EDF1: variants seen among roughly 807,000 people sequenced by gnomAD.
EDF1 encodes endothelial differentiation-related factor 1.
In EDF1, 5 loss-of-function variants were observed where a neutral mutation model predicts 20.8. The ratio of observed to expected loss-of-function variants is 0.24; its 90% confidence interval spans 0.13 to 0.51. The LOEUF (loss-of-function observed/expected upper bound fraction) is 0.51, where lower values mean the gene tolerates loss of function less well. EDF1 is among the 20% of genes least tolerant of loss of function. The pLI is 0.97. For synonymous variants in EDF1, 96 were observed against 78.5 expected, an observed-to-expected ratio of 1.22 and a Z score of -1.18; for missense variants, 137 against 197.8, an observed-to-expected ratio of 0.69 and a Z score of 1.84.
chr9:136,862,758 C>A lies in EDF1; in HGVS notation c.385+148G>T. The stretch of plus-strand genomic sequence containing the variant: ...AGACCCCACCATCCCTCAGTCTGTA[C>A]TACCTGGAGAAGCAAAGCTCCAGAA... On this transcript the variant is annotated intron_variant, in intron 4 of 4. Coordinates refer to ENST00000224073, the MANE Select transcript of EDF1 (RefSeq NM_003792.4). The surrounding 1 kb of genome is among the most constrained non-coding windows in gnomAD (Gnocchi z 4.1). 6.3e-7 allele frequency: 1 copy of A among 1,588,222 alleles called. No individual in the cohort carries two copies. Among genetic ancestry groups the A allele is most frequent in the Non-Finnish European group, 8.5e-7 (1 of 1,170,694 alleles).
In EDF1 at chr9:136,863,271, C is replaced by G; in HGVS notation, c.291+17G>C. ...AAACCCACAACCCCAGGAGTGAGAG[C>G]CCCGGCGCAGCCTCACCGTGGCCAG... On this transcript the variant is annotated intron_variant, in intron 3 of 4. Coordinates refer to ENST00000224073, the MANE Select transcript of EDF1 (RefSeq NM_003792.4). This position sits in a 1 kb window ranked among gnomAD's most constrained non-coding sequence, Gnocchi z 4.5. The G allele has an allele frequency of 6.2e-7, 1 of 1,606,760 alleles. No homozygotes were observed.
rs768777287 is a variant in EDF1 at position 136,862,311 on chromosome 9, G to C, written c.420C>G (p.Pro140=). Reference sequence around the variant, plus strand: ...ATTTCGCCCTAGGCCCCTTCTCGATGGGCTTTCCAATGTCCTTTCCCCGGA... The same window carrying C: ...ATTTCGCCCTAGGCCCCTTCTCGATCGGCTTTCCAATGTCCTTTCCCCGGA... ...LKLRGKDIGK[P]IEKGPRAK The change falls in exon 5 of 5, where the codon CCC becomes CCG. Residue 140 remains proline, a synonymous_variant. Transcript: ENST00000224073. This position sits in a 1 kb window ranked among gnomAD's most constrained non-coding sequence, Gnocchi z 4.1. 50 of 1,613,870 alleles carry C rather than the reference G, an allele frequency of 3.1e-5. No individual in the cohort carries two copies. Among genetic ancestry groups the C allele is most frequent in the African/African-American group, 6.7e-5 (5 of 74,868 alleles).
chr9:136,865,391 T>G (rs1849195286), intron 1 of EDF1, among the ~76,000 whole-genome samples: 1 of 152,018 alleles, frequency 6.6e-6, no homozygotes, highest in Non-Finnish European at 1.5e-5. Flanking sequence ...GCAGGCTCCC[T>G]GGGCAGTATC....
chr9:136,862,505 G>A lies in EDF1; in HGVS notation c.386-160C>T. 6.2e-7 allele frequency: 1 copy of A among 1,610,862 alleles called. No homozygotes were observed. Reference sequence around the variant, plus strand: ...ACTCCTGGTTCCCACATCTAATTTTGAAGAGGATGAGTCTGATCACCTTAG... The same window carrying A: ...ACTCCTGGTTCCCACATCTAATTTTAAAGAGGATGAGTCTGATCACCTTAG... On this transcript the variant is annotated intron_variant, in intron 4 of 4. Coordinates refer to ENST00000224073, the MANE Select transcript of EDF1 (RefSeq NM_003792.4). This position sits in a 1 kb window ranked among gnomAD's most constrained non-coding sequence, Gnocchi z 4.1.
rs1849164091 is a variant in EDF1, at chr9:136,863,933, A to G, written c.79-62T>C. The G allele has an allele frequency of 6.4e-6, 10 of 1,568,536 alleles. No homozygotes were observed. The highest frequency in any genetic ancestry group is 4.5e-5 in the East Asian group (2 of 44,626). ...CTTTGACAGTATCCAGCACACACCAATTCAGGCCTGCTGTTAGCCAGTTAG... is the reference window on the plus strand; with the variant it reads ...CTTTGACAGTATCCAGCACACACCAGTTCAGGCCTGCTGTTAGCCAGTTAG... On this transcript the variant is annotated intron_variant, in intron 1 of 4. Coordinates refer to ENST00000224073, the MANE Select transcript of EDF1 (RefSeq NM_003792.4). This position sits in a 1 kb window ranked among gnomAD's most constrained non-coding sequence, Gnocchi z 4.5.
rs1849114409 is a variant in EDF1 at position 136,862,281 on chromosome 9, T to G, written c.*3A>C. ...GGAGCGCACTGATTTCGAGGCTTTGTGTTCATTTCGCCCTAGGCCCCTTCT... is the reference window on the plus strand; with the variant it reads ...GGAGCGCACTGATTTCGAGGCTTTGGGTTCATTTCGCCCTAGGCCCCTTCT... On this transcript the variant is annotated 3_prime_UTR_variant, in exon 5 of 5. Coordinates refer to ENST00000224073, the MANE Select transcript of EDF1 (RefSeq NM_003792.4). The surrounding 1 kb of genome is among the most constrained non-coding windows in gnomAD (Gnocchi z 4.1). 6.2e-7 allele frequency: 1 copy of G among 1,613,948 alleles called. No homozygotes were observed. The highest frequency in any genetic ancestry group is 1.3e-5 in the African/African-American group (1 of 74,978).
chr9:136,863,180 C>T lies in EDF1; in HGVS notation c.291+108G>A. On this transcript the variant is annotated intron_variant, in intron 3 of 4. Transcript: ENST00000224073. The surrounding 1 kb of genome is among the most constrained non-coding windows in gnomAD (Gnocchi z 4.5). ...ACCTGGCTTCCCGAGGCATTCCCTG[C>T]AGGGGAACCAGGGGGGTGGAGCCCA... The T allele has an allele frequency of 6.5e-7, 1 of 1,537,898 alleles. No homozygotes were observed. Among genetic ancestry groups the T allele is most frequent in the Non-Finnish European group, 8.8e-7 (1 of 1,139,214 alleles).
chr9:136,863,599 T>A lies in EDF1; in HGVS notation c.131-151A>T. The A allele has an allele frequency of 4.4e-6, 5 of 1,146,106 alleles. No homozygotes were observed. The highest frequency in any genetic ancestry group is 6.1e-6 in the Non-Finnish European group (5 of 822,308). The allele number at this position is 1,146,106 out of a possible 1,614,324, so 71.0% of individuals were successfully genotyped here. On this transcript the variant is annotated intron_variant, in intron 2 of 4. Transcript: ENST00000224073. The surrounding 1 kb of genome is among the most constrained non-coding windows in gnomAD (Gnocchi z 4.5). Reference sequence around the variant, plus strand: ...TCCCAAGTTCACACACCTCAGGTCGTGGACTTCCAGAGTTTTCTCTCAGTT... The same window carrying A: ...TCCCAAGTTCACACACCTCAGGTCGAGGACTTCCAGAGTTTTCTCTCAGTT...
Position 136,866,211 on chromosome 9 carries a change from G to A in EDF1, c.48C>T (p.Gly16=). 6.2e-7 allele frequency: 1 copy of A among 1,601,992 alleles called. No homozygotes were observed. Among genetic ancestry groups the A allele is most frequent in the South Asian group, 1.1e-5 (1 of 89,568 alleles). The change falls in exon 1 of 5, where the codon GGC becomes GGT. Residue 16 remains glycine (G), a synonymous_variant. Transcript: ENST00000224073. Reference sequence around the variant, plus strand: ...TGGATTTGGCCTGGGCGGCCGTAGGGCCCTTCTTGCGCAGCACCGTCACCG... The same window carrying A: ...TGGATTTGGCCTGGGCGGCCGTAGGACCCTTCTTGCGCAGCACCGTCACCG... ...WDTVTVLRKK[G]PTAAQAKSKQ...
Position 136,863,560 on chromosome 9 carries a change from G to A in EDF1, c.131-112C>T. ...AGGCTGCCTGAACTCAAGGGGACAT[G>A]GGAACCCAGGCTGTCCCAAGTTCAC... is the stretch of plus-strand genomic sequence containing the variant. On this transcript the variant is annotated intron_variant, in intron 2 of 4. Transcript: ENST00000224073. This position sits in a 1 kb window ranked among gnomAD's most constrained non-coding sequence, Gnocchi z 4.5. The A allele has an allele frequency of 7.2e-7, 1 of 1,382,600 alleles. No individual in the cohort carries two copies. Among genetic ancestry groups the A allele is most frequent in the East Asian group, 2.5e-5 (1 of 40,430 alleles). The allele number at this position is 1,382,600 out of a possible 1,614,324, so 85.6% of individuals were successfully genotyped here.
In EDF1 at chr9:136,862,481, C is replaced by A. The variant is rs770301600; in HGVS notation, c.386-136G>T. 1 of 1,612,668 alleles carries A rather than the reference C, an allele frequency of 6.2e-7. No individual in the cohort carries two copies. Among genetic ancestry groups the A allele is most frequent in the African/African-American group, 1.3e-5 (1 of 74,928 alleles). On this transcript the variant is annotated intron_variant, in intron 4 of 4. Transcript: ENST00000224073. This position sits in a 1 kb window ranked among gnomAD's most constrained non-coding sequence, Gnocchi z 4.1. The stretch of plus-strand genomic sequence containing the variant: ...TCACTGGGCTCTCAGCACACGAGCA[C>A]TCCTGGTTCCCACATCTAATTTTGA...
At chr9:136,865,511 C>T (rs760534941) in intron 1 of EDF1, among the ~76,000 whole-genome samples, 17 of 152,028 alleles carry the variant, frequency 1.1e-4, no homozygotes, top group Admixed American at 5.9e-4. Flanking sequence ...ACCTCTGCCC[C>T]GTCACCCAGT....
Position 136,862,455 on chromosome 9 carries a change from C to A in EDF1, c.386-110G>T. Reference sequence around the variant, plus strand: ...AAGGGGGGCCACGCCGCTCCCGTGCCTCACTGGGCTCTCAGCACACGAGCA... The same window carrying A: ...AAGGGGGGCCACGCCGCTCCCGTGCATCACTGGGCTCTCAGCACACGAGCA... On this transcript the variant is annotated intron_variant, in intron 4 of 4. Coordinates refer to ENST00000224073, the MANE Select transcript of EDF1 (RefSeq NM_003792.4). The surrounding 1 kb of genome is among the most constrained non-coding windows in gnomAD (Gnocchi z 4.1). 1 of 1,613,422 alleles carries A rather than the reference C, an allele frequency of 6.2e-7. No homozygotes were observed.
intron 1 of EDF1, 46 bp downstream of exon 1, chr9:136,866,135 A>G (rs371196027): frequency 1.4e-5 from 21 of 1,548,670 alleles, no homozygotes; most frequent in Non-Finnish European, 1.7e-5. Flanking sequence ...GCCCCGGCCC[A>G]GCGTCCGCCC....
chr9:136,862,153 A>C lies in EDF1; in HGVS notation c.*131T>G, dbSNP rs1849110833. The C allele has an allele frequency of 6.0e-6, 7 of 1,158,028 alleles. No homozygotes were observed. The highest frequency in any genetic ancestry group is 2.1e-4 in the Middle Eastern group (1 of 4,688). The allele number at this position is 1,158,028 out of a possible 1,614,324, so 71.7% of individuals were successfully genotyped here. On this transcript the variant is annotated 3_prime_UTR_variant, in exon 5 of 5. Transcript: ENST00000224073. The surrounding 1 kb of genome is among the most constrained non-coding windows in gnomAD (Gnocchi z 4.1). Reference sequence around the variant, plus strand: ...AGGTTTTGTTTGTTTGACAGCAGGAATGGGCTGGGGAGGGTCCCCCGCAAG... The same window carrying C: ...AGGTTTTGTTTGTTTGACAGCAGGACTGGGCTGGGGAGGGTCCCCCGCAAG...
chr9:136,866,003 T>A, intron 1 of EDF1, among the ~76,000 whole-genome samples, 178 bp downstream of exon 1: 1 of 45,590 alleles, frequency 2.2e-5, no homozygotes. Flanking sequence ...CTCCTACCCC[T>A]GCGATTCGCC....
chr9:136,862,403 C>A lies in EDF1; in HGVS notation c.386-58G>T. On this transcript the variant is annotated intron_variant, in intron 4 of 4. Coordinates refer to ENST00000224073, the MANE Select transcript of EDF1 (RefSeq NM_003792.4). The surrounding 1 kb of genome is among the most constrained non-coding windows in gnomAD (Gnocchi z 4.1). ...CACCAGCTCCCTCCTCCCCCCAACG[C>A]TGCCCCTCTTCAACATCTTCCCAGG... is the stretch of plus-strand genomic sequence containing the variant. 6.2e-7 allele frequency: 1 copy of A among 1,613,992 alleles called. No homozygotes were observed. The highest frequency in any genetic ancestry group is 8.5e-7 in the Non-Finnish European group (1 of 1,180,024).
In EDF1 at chr9:136,866,136, G is replaced by A. The variant is rs768114871; in HGVS notation, c.78+45C>T. ...CCCCACGGTCCGTGGCCCCGGCCCA[G>A]CGTCCGCCCCGCCCGGCCCGGCCGC... On this transcript the variant is annotated intron_variant, in intron 1 of 4. Coordinates refer to ENST00000224073, the MANE Select transcript of EDF1 (RefSeq NM_003792.4). The A allele has an allele frequency of 9.6e-6, 15 of 1,561,584 alleles. No individual in the cohort carries two copies. The South Asian group carries it at 1.6e-4, about 17-fold the overall frequency.
In EDF1 at chr9:136,863,257, C is replaced by A. The variant is rs1193851320; in HGVS notation, c.291+31G>T. ...CCATCCCCCTCCCCAAACCCACAAC[C>A]CCAGGAGTGAGAGCCCCGGCGCAGC... On this transcript the variant is annotated intron_variant, in intron 3 of 4. Coordinates refer to ENST00000224073, the MANE Select transcript of EDF1 (RefSeq NM_003792.4). This position sits in a 1 kb window ranked among gnomAD's most constrained non-coding sequence, Gnocchi z 4.5. The A allele has an allele frequency of 3.1e-6, 5 of 1,602,696 alleles. No homozygotes were observed. Among genetic ancestry groups the A allele is most frequent in the Admixed American group, 3.3e-5 (2 of 59,878 alleles).
Sources: allele counts gnomAD v4.1 joint callset (sites outside exome capture counted in the v4.1 genomes callset), GRCh38; gene constraint gnomAD v4.1.1; non-coding constraint Gnocchi (gnomAD v3.1); transcripts MANE v1.5; gene names NCBI Gene and HGNC (gene_info 2026-07-23, HGNC 2026-07-21).